The following ZFPM1 variants were observed in gnomAD, a reference collection of about 807,000 sequenced individuals.
The protein encoded by ZFPM1 is zinc finger protein, FOG family member 1, also known as zinc finger protein ZFPM1.
Under a neutral mutation model 46.3 loss-of-function variants are expected in ZFPM1, and 28 were observed. That is an observed-to-expected ratio of 0.60 (90% CI 0.45 to 0.83). ZFPM1 has a LOEUF of 0.83. Among genes scored for constraint, ZFPM1 ranks in the 40% least tolerant of loss-of-function variants. The pLI is 0.00. For synonymous variants in ZFPM1, 957 were observed against 675.9 expected, an observed-to-expected ratio of 1.42 and a Z score of -6.45; for missense variants, 1,878 against 1,432.4, an observed-to-expected ratio of 1.31 and a Z score of -5.02.
chr16:88,525,143 G>A (rs1259335647), intron 4 of ZFPM1, among the ~76,000 whole-genome samples: 1 of 152,230 alleles, frequency 6.6e-6, no homozygotes, highest in African/African-American at 2.4e-5. Flanking sequence ...GGCAGGGGTG[G>A]CCCAGAGGGG....
At position 88,528,256 on chromosome 16, in the gene ZFPM1, C is replaced by T. The variant is rs375858772; in HGVS notation, c.712+18C>T. 5.2e-5 allele frequency: 82 copies of T among 1,577,384 alleles called. No homozygotes were observed. The East Asian group carries it at 8.2e-4, about 16-fold the overall frequency. ...GATCAACAGTAAGTGCTGGGCTCTC[C>T]GCACCCAGGGCGGCTGCTCCACCAA... On this transcript the variant is annotated intron_variant, in intron 6 of 9. Transcript: ENST00000319555.
intron 3 of ZFPM1, among the ~76,000 whole-genome samples, chr16:88,498,527 G>A (rs571837717): frequency 1.9e-4 from 29 of 152,332 alleles, no homozygotes; most frequent in African/African-American, 5.5e-4. Flanking sequence ...CAGGCCCTCC[G>A]GGATCTGCTC....
chr16:88,534,244 C>G lies in ZFPM1; in HGVS notation c.2286C>G (p.His762Gln). The change falls in exon 10 of 10, where the codon CAC becomes CAG. Residue 762 changes from histidine (H) to glutamine (Q), a missense_variant. By Grantham distance (24) the His-to-Gln change is conservative. Coordinates refer to ENST00000319555, the MANE Select transcript of ZFPM1 (RefSeq NM_153813.3). Reference protein sequence around the residue: ...AGAPPPPPPGHAPAPESPRPG... With the variant: ...AGAPPPPPPGQAPAPESPRPG... Reference sequence around the variant, plus strand: ...CCCCGCCCCCCCCGCCGCCCGGCCACGCCCCCGCGCCCGAGTCGCCGCGGC... The same window carrying G: ...CCCCGCCCCCCCCGCCGCCCGGCCAGGCCCCCGCGCCCGAGTCGCCGCGGC... The G allele has an allele frequency of 4.9e-6, 5 of 1,011,396 alleles. No individual in the cohort carries two copies. The highest frequency in any genetic ancestry group is 5.9e-6 in the Non-Finnish European group (5 of 849,732). The allele number at this position is 1,011,396 out of a possible 1,614,324, so 62.7% of individuals were successfully genotyped here.
intron 3 of ZFPM1, among the ~76,000 whole-genome samples, chr16:88,492,507 C>T (rs1909635962): frequency 6.6e-6 from 1 of 152,214 alleles, no homozygotes; most frequent in African/African-American, 2.4e-5. Context: ...AGTCTGTTTC[C>T]CATCTGTCCT....
At chr16:88,484,324 T>C (rs759568034) in intron 1 of ZFPM1, among the ~76,000 whole-genome samples, 28 of 152,220 alleles carry the variant, frequency 1.8e-4, no homozygotes, top group Non-Finnish European at 3.8e-4. Flanking sequence ...TGCGGCTTGC[T>C]TGCCTCCAGG....
chr16:88,483,962 G>T, intron 1 of ZFPM1, among the ~76,000 whole-genome samples: 1 of 152,188 alleles, frequency 6.6e-6, no homozygotes, highest in East Asian at 1.9e-4. Flanking sequence ...ATCTTCGGGG[G>T]TCTCTGACAT....
intron 6 of ZFPM1, chr16:88,530,827 C>G (rs1249563069): frequency 1.3e-5 from 2 of 152,312 alleles, no homozygotes; most frequent in African/African-American, 4.8e-5. Flanking sequence ...GCCTGCAGCC[C>G]CCAAGTAAAA....
chr16:88,520,221 T>G (rs1911724244), intron 4 of ZFPM1, among the ~76,000 whole-genome samples: 1 of 145,974 alleles, frequency 6.9e-6, no homozygotes. Context: ...GACAGATGAG[T>G]AGGTAGATGG....
Position 88,520,450 on chromosome 16 carries a change from G to A in ZFPM1, c.402+5930G>A, listed in dbSNP as rs562082020. Reference sequence around the variant, plus strand: ...GGATAGATGGATGGATAGGTGGGTAGATGGATGGTGGATGGATGGACAGAT... The same window carrying A: ...GGATAGATGGATGGATAGGTGGGTAAATGGATGGTGGATGGATGGACAGAT... On this transcript the variant is annotated intron_variant, in intron 4 of 9. Coordinates refer to ENST00000319555, the MANE Select transcript of ZFPM1 (RefSeq NM_153813.3). 2.0e-5 allele frequency among the ~76,000 whole-genome samples: 3 copies of A among 150,616 alleles called. No homozygotes were observed. In the East Asian group the frequency reaches 6.0e-4, roughly 30 times the overall value.
chr16:88,534,168 C>T lies in ZFPM1; in HGVS notation c.2210C>T (p.Pro737Leu), dbSNP rs1913066848. 6 of 996,498 alleles carry T rather than the reference C, an allele frequency of 6.0e-6. No homozygotes were observed. Among genetic ancestry groups the T allele is most frequent in the Admixed American group, 6.1e-5 (1 of 16,472 alleles). 61.7% of individuals were successfully genotyped at this position (996,498 alleles called of 1,614,324 possible). ...AAPPAPSPAA[P>L]VRTRRRRKLY... ...CCCCCGGCCCCCTCTCCCGCCGCGC[C>T]TGTGCGCACGCGCAGACGCCGCAAG... Residue 737 changes from proline to leucine, a missense_variant, in exon 10 of 10, where the codon CCT (proline) becomes CTT (leucine). By Grantham distance (98) the Pro-to-Leu change is moderately conservative (BLOSUM62 -3). Transcript: ENST00000319555.
intron 6 of ZFPM1, among the ~76,000 whole-genome samples, chr16:88,530,772 G>T (rs544070270): frequency 2.6e-5 from 4 of 152,244 alleles, no homozygotes. Flanking sequence ...TGGCCTCCCA[G>T]GTCTGGGACC....
chr16:88,476,137 G>C (rs1253996248), intron 1 of ZFPM1, among the ~76,000 whole-genome samples: 1 of 152,114 alleles, frequency 6.6e-6, no homozygotes, highest in East Asian at 1.9e-4. Flanking sequence ...GGCACCTTCG[G>C]CCAACCAGGT....
intron 3 of ZFPM1, among the ~76,000 whole-genome samples, chr16:88,499,516 G>T (rs1910131206): frequency 6.6e-6 from 1 of 152,212 alleles, no homozygotes; most frequent in Non-Finnish European, 1.5e-5. Context: ...GGGCCAGGGG[G>T]CAGGCAGGAC....
In ZFPM1 at chr16:88,533,344, C is replaced by G; in HGVS notation, c.1386C>G (p.Ile462Met). Residue 462 changes from isoleucine (I) to methionine (M), a missense_variant, in exon 10 of 10, where the codon ATC becomes ATG. Coordinates refer to ENST00000319555, the MANE Select transcript of ZFPM1 (RefSeq NM_153813.3). Reference protein sequence around the residue: ...SSEPPAAPRSIKVEAVEEPEA... With the variant: ...SSEPPAAPRSMKVEAVEEPEA... Reference sequence around the variant, plus strand: ...AGCCCCCGGCGGCCCCCAGGAGCATCAAGGTGGAGGCGGTGGAGGAGCCGG... The same window carrying G: ...AGCCCCCGGCGGCCCCCAGGAGCATGAAGGTGGAGGCGGTGGAGGAGCCGG... The G allele has an allele frequency of 6.5e-7, 1 of 1,531,752 alleles. No homozygotes were observed. The highest frequency in any genetic ancestry group is 8.7e-7 in the Non-Finnish European group (1 of 1,143,120). 94.9% of individuals were successfully genotyped at this position (1,531,752 alleles called of 1,614,324 possible).
At chr16:88,475,518 G>C (rs181686509) in intron 1 of ZFPM1, among the ~76,000 whole-genome samples, 16 of 152,046 alleles carry the variant, frequency 1.1e-4, no homozygotes, top group African/African-American at 2.4e-4. Flanking sequence ...GGGTCCGGGG[G>C]GGGGAGCACA....
At chr16:88,500,852 T>C (rs1477898163) in intron 3 of ZFPM1, among the ~76,000 whole-genome samples, 1 of 152,256 alleles carries the variant, frequency 6.6e-6, no homozygotes, top group Non-Finnish European at 1.5e-5. Context: ...CACCCTGGGC[T>C]GAGCCAGGTC....
chr16:88,463,512 C>T (rs1425305902), intron 1 of ZFPM1, among the ~76,000 whole-genome samples: 1 of 152,250 alleles, frequency 6.6e-6, no homozygotes, highest in Admixed American at 6.5e-5. Context: ...CCCTGCCTCG[C>T]ACTAGGCCAC....
In ZFPM1 at chr16:88,534,133, G is replaced by A; in HGVS notation, c.2175G>A (p.Gly725=). 3 of 1,002,870 alleles carry A rather than the reference G, an allele frequency of 3.0e-6. No individual in the cohort carries two copies. The highest frequency in any genetic ancestry group is 3.6e-6 in the Non-Finnish European group (3 of 842,274). 62.1% of individuals were successfully genotyped at this position (1,002,870 alleles called of 1,614,324 possible). Residue 725 remains glycine, a synonymous_variant, in exon 10 of 10, where the codon GGG becomes GGA. Transcript: ENST00000319555. ...CGGCCGCGCCCCCGGGACCCCCTGGGCCGGCCGCGCCCCCGGCCCCCTCTC... is the reference window on the plus strand; with the variant it reads ...CGGCCGCGCCCCCGGGACCCCCTGGACCGGCCGCGCCCCCGGCCCCCTCTC... ...RRPAAPPGPP[G]PAAPPAPSPA... is the part of the protein sequence containing the mutation.
intron 1 of ZFPM1, among the ~76,000 whole-genome samples, chr16:88,457,268 A>G (rs1261626676): frequency 6.6e-6 from 1 of 152,216 alleles, no homozygotes; most frequent in Non-Finnish European, 1.5e-5. Context: ...CATGCGTGGG[A>G]GGCACCCGGG....
Sources: allele counts gnomAD v4.1 joint callset (sites outside exome capture counted in the v4.1 genomes callset), GRCh38; gene constraint gnomAD v4.1.1; transcripts MANE v1.5; gene names NCBI Gene and HGNC (gene_info 2026-07-23, HGNC 2026-07-21).